The following YWHAQ variants were observed in gnomAD, a reference collection of about 807,000 sequenced individuals.
YWHAQ encodes the protein tyrosine 3-monooxygenase/tryptophan 5-monooxygenase activation protein theta.
Under a neutral mutation model 28.3 loss-of-function variants are expected in YWHAQ, and 6 were observed. The ratio of observed to expected loss-of-function variants is 0.21; its 90% CI spans 0.12 to 0.42. YWHAQ has a LOEUF of 0.42. YWHAQ is among the 10% of genes least tolerant of loss of function. The pLI is 1.00. For missense variants in YWHAQ, 201 were observed against 305.6 expected, an observed-to-expected ratio of 0.66 and a Z score of 2.55; for synonymous variants, 143 against 119.1, an observed-to-expected ratio of 1.20 and a Z score of -1.31.
Position 9,585,205 on chromosome 2 carries a change from A to G in YWHAQ, c.*81T>C. Reference sequence around the variant, plus strand: ...ATACACATGAATGGGTTTCTTTGCTATAGGAAATCCAAGTGGAATAAGGAA... The same window carrying G: ...ATACACATGAATGGGTTTCTTTGCTGTAGGAAATCCAAGTGGAATAAGGAA... On this transcript the variant is annotated 3_prime_UTR_variant, in exon 6 of 6. Coordinates refer to ENST00000238081, the MANE Select transcript of YWHAQ (RefSeq NM_006826.4). The G allele has an allele frequency of 1.3e-6, 2 of 1,504,652 alleles. No homozygotes were observed. The highest frequency in any genetic ancestry group is 2.3e-5 in the East Asian group (1 of 44,260). The allele number at this position is 1,504,652 out of a possible 1,614,324, so 93.2% of individuals were successfully genotyped here.
intron 2 of YWHAQ, among the ~76,000 whole-genome samples, chr2:9,613,713 A>G (rs964729130): frequency 6.6e-6 from 1 of 152,228 alleles, no homozygotes; most frequent in Non-Finnish European, 1.5e-5. Context: ...TAATATTGCT[A>G]TCAACATCTG....
intron 2 of YWHAQ, 118 bp from the exon 3 acceptor site, chr2:9,591,633 T>C (rs374812266): frequency 3.8e-5 from 49 of 1,274,194 alleles, no homozygotes; most frequent in African/African-American, 2.8e-4. Context: ...AGTAATACTA[T>C]ACCATACCAG....
At chr2:9,603,876 G>C (rs1473557468) in intron 2 of YWHAQ, among the ~76,000 whole-genome samples, 1 of 152,084 alleles carries the variant, frequency 6.6e-6, no homozygotes, top group Non-Finnish European at 1.5e-5. Flanking sequence ...AGTGAGCTGA[G>C]ATCACGCCAC....
rs1284415946 is a variant in YWHAQ, at chr2:9,630,107, A to T, written c.294+52T>A. ...TGTTTCCGTGCCCGCGAAACTCTCA[A>T]TGAAAAGCATCTCACAAAAGGCCTC... On this transcript the variant is annotated intron_variant, in intron 2 of 5. Coordinates refer to ENST00000238081, the MANE Select transcript of YWHAQ (RefSeq NM_006826.4). This position sits in a 1 kb window ranked among gnomAD's most constrained non-coding sequence, Gnocchi z 5.6. The T allele has an allele frequency of 6.4e-7, 1 of 1,566,422 alleles. No individual in the cohort carries two copies. Among genetic ancestry groups the T allele is most frequent in the Admixed American group, 1.8e-5 (1 of 56,582 alleles).
intron 2 of YWHAQ, among the ~76,000 whole-genome samples, chr2:9,604,561 G>A (rs1432355990): frequency 1.3e-5 from 2 of 152,166 alleles, no homozygotes; most frequent in African/African-American, 4.8e-5. Context: ...ACTTTTCTAC[G>A]GATTTTTTCC....
chr2:9,616,620 AC>A (rs1439264980), intron 2 of YWHAQ, among the ~76,000 whole-genome samples: 2 of 152,118 alleles, frequency 1.3e-5, no homozygotes, highest in Non-Finnish European at 2.9e-5. Context: ...AACACAAATA[AC>A]CCAATTTTAA....
chr2:9,622,567 G>A (rs1243329621), intron 2 of YWHAQ, among the ~76,000 whole-genome samples: 1 of 152,008 alleles, frequency 6.6e-6, no homozygotes, highest in Non-Finnish European at 1.5e-5. Flanking sequence ...TCCCTCTTGC[G>A]TAAACACCTA....
At chr2:9,610,028 T>C (rs1666914260) in intron 2 of YWHAQ, among the ~76,000 whole-genome samples, 1 of 152,182 alleles carries the variant, frequency 6.6e-6, no homozygotes. Context: ...TTTCAGAGGA[T>C]TATCTTAATT....
At chr2:9,589,363 C>T (rs1270153051) in intron 3 of YWHAQ, among the ~76,000 whole-genome samples, 1 of 152,160 alleles carries the variant, frequency 6.6e-6, no homozygotes, top group Non-Finnish European at 1.5e-5. Context: ...GCAGGCAGAT[C>T]ACCTGAGGTT....
Position 9,628,700 on chromosome 2 carries a change from TA to T in YWHAQ, c.294+1458del, listed in dbSNP as rs1181811618. Reference sequence around the variant, plus strand: ...TGTTACTCAAGTTGAAGTCTACCACTACTTTCAAGTTGGCAAAATTTTTTAA... The same window carrying T: ...TGTTACTCAAGTTGAAGTCTACCACTCTTTCAAGTTGGCAAAATTTTTTAA... On this transcript the variant is annotated intron_variant, in intron 2 of 5. Transcript: ENST00000238081. The T allele has an allele frequency of 3.3e-5, 5 of 152,346 alleles. No individual in the cohort carries two copies. In the East Asian group the frequency reaches 9.6e-4, roughly 29 times the overall value. The allele number at this position is 152,346 out of a possible 1,614,324, so 9.4% of individuals were successfully genotyped here. A position where few individuals can be genotyped will look rare whatever the true frequency, so the allele number is the denominator to read the frequency against.
rs1666315027 is a variant in YWHAQ at position 9,585,031 on chromosome 2, G to T, written c.*255C>A. ...TACATTTTTAGTCCTCTACATAAGT[G>T]TTTGGGAGTTACTTATGTTTATATG... On this transcript the variant is annotated 3_prime_UTR_variant, in exon 6 of 6. Coordinates refer to ENST00000238081, the MANE Select transcript of YWHAQ (RefSeq NM_006826.4). The T allele has an allele frequency of 1.0e-5, 5 of 480,126 alleles. No homozygotes were observed. Among genetic ancestry groups the T allele is most frequent in the Non-Finnish European group, 1.9e-5 (5 of 265,026 alleles). 29.7% of individuals were successfully genotyped at this position (480,126 alleles called of 1,614,324 possible). A position where few individuals can be genotyped will look rare whatever the true frequency, so the allele number is the denominator to read the frequency against.
intron 2 of YWHAQ, among the ~76,000 whole-genome samples, chr2:9,595,078 C>T (rs557669426): frequency 5.5e-4 from 84 of 152,312 alleles, no homozygotes; most frequent in African/African-American, 2.0e-3. Flanking sequence ...GGCATTACTT[C>T]CATCCTGGAG....
At chr2:9,603,728 A>T (rs1309064959) in intron 2 of YWHAQ, among the ~76,000 whole-genome samples, 1 of 152,008 alleles carries the variant, frequency 6.6e-6, no homozygotes, top group Non-Finnish European at 1.5e-5. Context: ...GTTCGAGAGC[A>T]GCCTGGCTAG....
intron 2 of YWHAQ, among the ~76,000 whole-genome samples, chr2:9,602,036 G>C (rs1666704168): frequency 6.6e-6 from 1 of 152,162 alleles, no homozygotes; most frequent in Non-Finnish European, 1.5e-5. Flanking sequence ...ATTAACCTCA[G>C]TAATGCCAAA....
intron 2 of YWHAQ, among the ~76,000 whole-genome samples, chr2:9,597,789 CTT>C (rs1167972976): frequency 7.8e-5 from 11 of 140,428 alleles, no homozygotes; most frequent in Admixed American, 1.4e-4. Context: ...AGAAGCAAAC[CTT>C]TTTTTTTTTT....
intron 2 of YWHAQ, among the ~76,000 whole-genome samples, chr2:9,593,236 CTTTTTT>C (rs34085406): frequency 8.7e-6 from 1 of 114,962 alleles, no homozygotes; most frequent in African/African-American, 3.2e-5. Flanking sequence ...GCATCCATGT[CTTTTTT>C]TTTTTTTTTT....
intron 2 of YWHAQ, among the ~76,000 whole-genome samples, chr2:9,594,080 T>C (rs754185323): frequency 1.1e-4 from 17 of 151,828 alleles, no homozygotes; most frequent in African/African-American, 2.2e-4. Context: ...AGTATCAAAA[T>C]TGTGGCTCAA....
intron 2 of YWHAQ, among the ~76,000 whole-genome samples, chr2:9,592,346 C>T (rs528249068): frequency 7.2e-5 from 11 of 152,118 alleles, no homozygotes; most frequent in African/African-American, 2.6e-4. Flanking sequence ...GTATGCTATG[C>T]CTTGGAGTAT....
At chr2:9,592,221 G>A (rs959890986) in intron 2 of YWHAQ, among the ~76,000 whole-genome samples, 2 of 152,090 alleles carry the variant, frequency 1.3e-5, no homozygotes, top group African/African-American at 4.8e-5. Flanking sequence ...AACTTGCACA[G>A]CAATTTAAAA....
Sources: gnomAD v4.1 joint callset for allele counts (sites outside exome capture counted in the v4.1 genomes callset) on GRCh38, gnomAD v4.1.1 for gene constraint, Gnocchi (gnomAD v3.1) non-coding constraint, MANE v1.5 for transcripts, NCBI Gene and HGNC (gene_info 2026-07-23, HGNC 2026-07-21) for gene names.